LCOR: variants seen among roughly 807,000 people sequenced by gnomAD.
LCOR encodes ligand dependent nuclear receptor corepressor.
A neutral mutation model predicts 64.4 loss-of-function variants in LCOR; 14 were observed. The ratio of observed to expected loss-of-function variants is 0.22; its 90% CI spans 0.14 to 0.34. The LOEUF is 0.34. Among genes scored for constraint, LCOR ranks in the 10% least tolerant of loss-of-function variants. LCOR has a pLI of 1.00. For missense variants in LCOR, 1,686 were observed against 1,765.3 expected (o/e 0.96, Z 0.80); for synonymous variants, 643 against 642.5 (o/e 1.00, Z -0.01).
chr10:96,834,499 T>C (rs1396381921), intron 2 of LCOR, among the ~76,000 whole-genome samples: 1 of 152,224 alleles, frequency 6.6e-6, no homozygotes, highest in African/African-American at 2.4e-5. Context: ...TTAAGTACTT[T>C]TTGAATTACT....
chr10:96,892,755 TC>T (rs1846467947), intron 2 of LCOR, among the ~76,000 whole-genome samples: 1 of 152,222 alleles, frequency 6.6e-6, no homozygotes, highest in East Asian at 1.9e-4. Flanking sequence ...CCACTCCATT[TC>T]TTTTTTGGTT....
chr10:96,890,194 C>CT (rs2016585408), intron 2 of LCOR, among the ~76,000 whole-genome samples: 1 of 152,092 alleles, frequency 6.6e-6, no homozygotes, highest in African/African-American at 2.4e-5. Flanking sequence ...CTTTGAACTC[C>CT]TGGAGTGAAG....
intron 2 of LCOR, among the ~76,000 whole-genome samples, chr10:96,845,123 A>G (rs984331248): frequency 4.6e-5 from 7 of 152,200 alleles, no homozygotes; most frequent in Non-Finnish European, 1.0e-4. Flanking sequence ...TAAAAAATGA[A>G]TAAAAGCTTA....
At position 96,832,904 on chromosome 10, in the gene LCOR, G is replaced by T. The variant is rs142380609; in HGVS notation, c.-403-502G>T. 2,555 of 818,300 alleles carry T rather than the reference G, an allele frequency of 3.1e-3. 58 individuals are homozygous for T. The African/African-American group carries it at 0.042, about 13-fold the overall frequency. 50.7% of individuals were successfully genotyped at this position (818,300 alleles called of 1,614,324 possible). Reference sequence around the variant, plus strand: ...CCCCACGCGCGGGGCGCGCCCCCGGGTCTGCGTGCACGCGCGGCGGGCTGC... The same window carrying T: ...CCCCACGCGCGGGGCGCGCCCCCGGTTCTGCGTGCACGCGCGGCGGGCTGC... On this transcript the variant is annotated intron_variant, in intron 1 of 7. Coordinates refer to ENST00000421806, the MANE Select transcript of LCOR (RefSeq NM_001346516.2).
chr10:96,971,061 T>G (rs916689006), intron 7 of LCOR, among the ~76,000 whole-genome samples: 1 of 152,212 alleles, frequency 6.6e-6, no homozygotes, highest in African/African-American at 2.4e-5. Context: ...GTAAAAAGTA[T>G]TTCTTGTTCT....
chr10:96,982,112 C>T lies in LCOR; in HGVS notation c.1652C>T (p.Pro551Leu). 1.2e-6 allele frequency: 2 copies of T among 1,614,148 alleles called. No individual in the cohort carries two copies. Among genetic ancestry groups the T allele is most frequent in the Non-Finnish European group, 1.7e-6 (2 of 1,180,006 alleles). Residue 551 changes from proline (P) to leucine (L), a missense_variant, in exon 8 of 8, where the codon CCT becomes CTT. Coordinates refer to ENST00000421806, the MANE Select transcript of LCOR (RefSeq NM_001346516.2). ...AAGCAGACCCTTACAATTCCAGCCC[C>T]TAGACATACAGTAGATGTGCAGCTT... ...TPKQTLTIPA[P>L]RHTVDVQLPR...
chr10:96,925,137 G>T (rs1847145676), intron 4 of LCOR, among the ~76,000 whole-genome samples: 1 of 151,884 alleles, frequency 6.6e-6, no homozygotes, highest in Non-Finnish European at 1.5e-5. Context: ...GTACGGTGGT[G>T]CAATCTGGGC....
At chr10:96,915,867 C>A in intron 4 of LCOR, 1 of 482,382 alleles carries the variant, frequency 2.1e-6, no homozygotes, top group Middle Eastern at 4.7e-4. Context: ...TTGGCATTAT[C>A]TCCTTTAGCA....
Position 96,986,703 on chromosome 10 carries a change from T to G in LCOR, c.*1569T>G, listed in dbSNP as rs1417885693. On this transcript the variant is annotated 3_prime_UTR_variant, in exon 8 of 8. Transcript: ENST00000421806. Reference sequence around the variant, plus strand: ...GTACTTGACTTTTCCATTGGGCCGCTCTACAAAAAAAGGCTTGGTTGTTGA... The same window carrying G: ...GTACTTGACTTTTCCATTGGGCCGCGCTACAAAAAAAGGCTTGGTTGTTGA... 1 of 152,208 alleles carries G rather than the reference T, an allele frequency of 6.6e-6. No homozygotes were observed. The highest frequency in any genetic ancestry group is 2.4e-5 in the African/African-American group (1 of 41,446). The allele number at this position is 152,208 out of a possible 1,614,324, so 9.4% of individuals were successfully genotyped here.
intron 2 of LCOR, among the ~76,000 whole-genome samples, chr10:96,843,810 A>G (rs1274672736): frequency 1.3e-5 from 2 of 152,170 alleles, no homozygotes; most frequent in Non-Finnish European, 1.5e-5. Context: ...TCGCATCCCC[A>G]TCAAGTGGTT....
rs1344350342 is a variant in LCOR at position 96,988,643 on chromosome 10, C to A, written c.*3509C>A. On this transcript the variant is annotated 3_prime_UTR_variant, in exon 8 of 8. Coordinates refer to ENST00000421806, the MANE Select transcript of LCOR (RefSeq NM_001346516.2). ...TCATGAGGGTGGGAGCTGTCATTCA[C>A]ATTTATGGGCAGCATTCCTGTTGAT... 6.6e-6 allele frequency: 1 copy of A among 152,196 alleles called. No individual in the cohort carries two copies. Among genetic ancestry groups the A allele is most frequent in the Non-Finnish European group, 1.5e-5 (1 of 68,038 alleles). 9.4% of individuals were successfully genotyped at this position (152,196 alleles called of 1,614,324 possible).
At chr10:96,876,896 T>C (rs1202305647) in intron 2 of LCOR, among the ~76,000 whole-genome samples, 2 of 152,150 alleles carry the variant, frequency 1.3e-5, no homozygotes, top group African/African-American at 2.4e-5. Flanking sequence ...GGTTTCATTA[T>C]GTTGGCCAGG....
At chr10:96,843,502 T>A (rs1415211914) in intron 2 of LCOR, among the ~76,000 whole-genome samples, 1 of 152,228 alleles carries the variant, frequency 6.6e-6, no homozygotes, top group Non-Finnish European at 1.5e-5. Flanking sequence ...TATCCTGTTC[T>A]CTTTTACCTT....
chr10:96,984,864 C>G lies in LCOR; in HGVS notation c.4404C>G (p.Cys1468Trp), dbSNP rs767897231. ...CTAAAAAGTCCGCTGGGAAGAGCTGCCCTCCCTCCAGGAAAGAAAAAGAGA... is the reference window on the plus strand; with the variant it reads ...CTAAAAAGTCCGCTGGGAAGAGCTGGCCTCCCTCCAGGAAAGAAAAAGAGA... ...KIPKKSAGKS[C>W]PPSRKEKENT... Residue 1468 changes from cysteine (C) to tryptophan (W), a missense_variant, in exon 8 of 8, where the codon TGC (cysteine) becomes TGG (tryptophan). Coordinates refer to ENST00000421806, the MANE Select transcript of LCOR (RefSeq NM_001346516.2). The G allele has an allele frequency of 3.2e-5, 52 of 1,613,930 alleles. 1 individual carries two copies. The highest frequency in any genetic ancestry group is 4.2e-5 in the Non-Finnish European group (50 of 1,180,042).
rs750502056 is a variant in LCOR, at chr10:96,987,249, A to G, written c.*2115A>G. The G allele has an allele frequency of 1.3e-5, 2 of 152,254 alleles. No individual in the cohort carries two copies. The highest frequency in any genetic ancestry group is 2.4e-5 in the African/African-American group (1 of 41,460). 9.4% of individuals were successfully genotyped at this position (152,254 alleles called of 1,614,324 possible). ...TTTAAGGTTTTAAAAATGTCTTTTC[A>G]TATAGTTGTCACTGGATATTGTGTT... On this transcript the variant is annotated 3_prime_UTR_variant, in exon 8 of 8. Transcript: ENST00000421806.
At chr10:96,899,049 CT>C (rs1846589879) in intron 2 of LCOR, among the ~76,000 whole-genome samples, 1 of 152,010 alleles carries the variant, frequency 6.6e-6, no homozygotes. Flanking sequence ...TCTATTTAAC[CT>C]GAATAACTTG....
intron 6 of LCOR, among the ~76,000 whole-genome samples, chr10:96,950,355 C>T (rs1430193646): frequency 1.3e-5 from 2 of 152,118 alleles, no homozygotes; most frequent in Non-Finnish European, 2.9e-5. Context: ...CAGGAGACCT[C>T]CTACTTGTTC....
At chr10:96,887,288 C>A (rs527361735) in intron 2 of LCOR, among the ~76,000 whole-genome samples, 2 of 152,238 alleles carry the variant, frequency 1.3e-5, no homozygotes, top group Admixed American at 1.3e-4. Context: ...ACTACTTTGG[C>A]CGGGCATGGT....
chr10:96,875,598 A>T (rs528948092), intron 2 of LCOR, among the ~76,000 whole-genome samples: 32 of 152,234 alleles, frequency 2.1e-4, no homozygotes, highest in African/African-American at 7.2e-4. Flanking sequence ...TTGGTGGCCC[A>T]TGCCTGTAAT....
Sources: gnomAD v4.1 joint callset for allele counts (sites outside exome capture counted in the v4.1 genomes callset) on GRCh38, gnomAD v4.1.1 for gene constraint, MANE v1.5 for transcripts, NCBI Gene and HGNC (gene_info 2026-07-23, HGNC 2026-07-21) for gene names.